DLC1: variants seen among roughly 807,000 people sequenced by gnomAD.
DLC1 encodes DLC1 Rho GTPase activating protein.
In DLC1, 54 loss-of-function variants were observed where a neutral mutation model predicts 140.3. The ratio of observed to expected loss-of-function variants is 0.38; its 90% CI spans 0.31 to 0.48. DLC1 has a LOEUF of 0.48. DLC1 is among the 20% of genes least tolerant of loss of function. DLC1 has a pLI of 0.96. For missense variants in DLC1, 2,536 were observed against 1,907.0 expected, an observed-to-expected ratio of 1.33 and a Z score of -6.14; for synonymous variants, 986 against 728.1, an observed-to-expected ratio of 1.35 and a Z score of -5.70.
At chr8:13,122,957 T>C (rs1821224569) in intron 5 of DLC1, among the ~76,000 whole-genome samples, 1 of 152,156 alleles carries the variant, frequency 6.6e-6, no homozygotes, top group Non-Finnish European at 1.5e-5. Flanking sequence ...TCCTACATTT[T>C]CCCTTTCACT....
intron 5 of DLC1, among the ~76,000 whole-genome samples, chr8:13,131,556 A>C (rs13255103): frequency 1.4e-4 from 21 of 150,510 alleles, no homozygotes; most frequent in Admixed American, 1.2e-3. Context: ...TGGGGATGGG[A>C]AAAGGTGGGG....
In DLC1 at chr8:13,225,601, C is replaced by A. The variant is rs570456968; in HGVS notation, c.1348+79668G>T. Among the ~76,000 whole-genome samples the A allele has an allele frequency of 1.2e-3, 174 of 150,878 alleles. 1 individual carries two copies. The highest frequency in any genetic ancestry group is 6.9e-3 in the Middle Eastern group (2 of 290). Reference sequence around the variant, plus strand: ...TTTACAAAAATTGATTAATCGATTTCTTTTTATTTATTTAATTTTTTTTTT... The same window carrying A: ...TTTACAAAAATTGATTAATCGATTTATTTTTATTTATTTAATTTTTTTTTT... On this transcript the variant is annotated intron_variant, in intron 5 of 17. Transcript: ENST00000276297.
intron 5 of DLC1, among the ~76,000 whole-genome samples, chr8:13,161,042 C>G (rs534204483): frequency 1.3e-5 from 2 of 152,334 alleles, no homozygotes; most frequent in South Asian, 4.1e-4. Context: ...GATCGCGCCA[C>G]TGCTCTCCAG....
At chr8:13,420,477 G>T (rs375505118) in intron 2 of DLC1, among the ~76,000 whole-genome samples, 1 of 152,048 alleles carries the variant, frequency 6.6e-6, no homozygotes, top group South Asian at 2.1e-4. Context: ...TGCCATGGTG[G>T]TTTGCTGCAC....
chr8:13,169,534 G>C (rs1163857846), intron 5 of DLC1, among the ~76,000 whole-genome samples: 1 of 152,134 alleles, frequency 6.6e-6, no homozygotes, highest in Admixed American at 6.5e-5. Context: ...ACCACTATTG[G>C]TCAAGTGAGG....
intron 4 of DLC1, among the ~76,000 whole-genome samples, chr8:13,315,837 C>G (rs1832842364): frequency 6.6e-6 from 1 of 152,120 alleles, no homozygotes; most frequent in Non-Finnish European, 1.5e-5. Flanking sequence ...TAACATTTGC[C>G]TCAAAATGTT....
intron 5 of DLC1, among the ~76,000 whole-genome samples, chr8:13,283,170 C>T (rs766699135): frequency 1.3e-5 from 2 of 151,884 alleles, no homozygotes; most frequent in Non-Finnish European, 1.5e-5. Flanking sequence ...CTTTTTTGAC[C>T]ATAGTATTAA....
rs561308855 is a variant in DLC1, at chr8:13,467,313, A to T, written c.1023+31736T>A. Among the ~76,000 whole-genome samples, 7 of 152,272 alleles carry T rather than the reference A, an allele frequency of 4.6e-5. No individual in the cohort carries two copies. In the East Asian group the frequency reaches 1.4e-3, roughly 29 times the overall value. ...TAGTTCCACTTCAAGTTGAAGAGAG[A>T]CAATGATAGTATGTTCCCATTTGGA... On this transcript the variant is annotated intron_variant, in intron 2 of 17. Coordinates refer to ENST00000276297, the MANE Select transcript of DLC1 (RefSeq NM_182643.3).
chr8:13,268,428 C>T (rs1563211550), intron 5 of DLC1, among the ~76,000 whole-genome samples: 1 of 152,192 alleles, frequency 6.6e-6, no homozygotes, highest in East Asian at 1.9e-4. Context: ...CATTCTCCTG[C>T]CTCAGTCTCC....
chr8:13,350,126 C>G (rs1398329629), intron 4 of DLC1, among the ~76,000 whole-genome samples: 1 of 152,184 alleles, frequency 6.6e-6, no homozygotes, highest in East Asian at 1.9e-4. Context: ...GAGGCTGGAT[C>G]TATTACCTGA....
At chr8:13,179,166 GC>G (rs778701440) in intron 5 of DLC1, among the ~76,000 whole-genome samples, 1 of 152,000 alleles carries the variant, frequency 6.6e-6, no homozygotes, top group Non-Finnish European at 1.5e-5. Context: ...GAATACAGAT[GC>G]AAAATAGTGT....
chr8:13,121,384 G>A (rs1298791549), intron 5 of DLC1, among the ~76,000 whole-genome samples: 4 of 152,142 alleles, frequency 2.6e-5, no homozygotes, highest in Non-Finnish European at 4.4e-5. Flanking sequence ...ATGTTGTGCA[G>A]GTGGATACGA....
intron 5 of DLC1, among the ~76,000 whole-genome samples, chr8:13,168,131 A>G (rs1011548867): frequency 3.3e-5 from 5 of 152,112 alleles, no homozygotes; most frequent in African/African-American, 9.7e-5. Context: ...CTTGTTCTCC[A>G]TTTCTTATCT....
At chr8:13,219,373 T>TTC (rs1828425322) in intron 5 of DLC1, among the ~76,000 whole-genome samples, 2 of 145,392 alleles carry the variant, frequency 1.4e-5, no homozygotes, top group East Asian at 3.9e-4. Flanking sequence ...TTCATATACT[T>TTC]ATATAATTAT....
intron 4 of DLC1, among the ~76,000 whole-genome samples, chr8:13,390,019 T>C (rs1230027046): frequency 6.6e-6 from 1 of 152,174 alleles, no homozygotes; most frequent in African/African-American, 2.4e-5. Context: ...ATAAAGTATC[T>C]AGACTGTTAT....
intron 2 of DLC1, 182 bp downstream of exon 2, chr8:13,498,867 T>C (rs528902577): frequency 3.2e-6 from 2 of 621,542 alleles, no homozygotes; most frequent in South Asian, 5.8e-5. Flanking sequence ...GATAGATTAT[T>C]ATTCTTTAAT....
At chr8:13,472,956 G>C (rs937887854) in intron 2 of DLC1, among the ~76,000 whole-genome samples, 18 of 152,046 alleles carry the variant, frequency 1.2e-4, no homozygotes, top group African/African-American at 4.3e-4. Flanking sequence ...CTGAATACTA[G>C]TCATAATAAG....
rs147652356 is a variant in DLC1 at position 13,187,361 on chromosome 8, G to T, written c.1349-71704C>A. 4.4e-4 allele frequency among the ~76,000 whole-genome samples: 67 copies of T among 152,190 alleles called. 1 individual carries two copies. In the East Asian group the frequency reaches 0.013, roughly 29 times the overall value. On this transcript the variant is annotated intron_variant, in intron 5 of 17. Coordinates refer to ENST00000276297, the MANE Select transcript of DLC1 (RefSeq NM_182643.3). Reference sequence around the variant, plus strand: ...CTCAATAGATATTTGTTGAATGAAGGATCTTTAACCTCCCTAATTTTTTCA... The same window carrying T: ...CTCAATAGATATTTGTTGAATGAAGTATCTTTAACCTCCCTAATTTTTTCA...
chr8:13,313,987 G>C (rs10102530), intron 4 of DLC1, among the ~76,000 whole-genome samples: 1 of 151,542 alleles, frequency 6.6e-6, no homozygotes, highest in Admixed American at 6.6e-5. Flanking sequence ...ATTTCTGTAC[G>C]TCTTGGAGCA....
Sources: gnomAD v4.1 joint callset for allele counts (sites outside exome capture counted in the v4.1 genomes callset) on GRCh38, gnomAD v4.1.1 for gene constraint, MANE v1.5 for transcripts, NCBI Gene and HGNC (gene_info 2026-07-23, HGNC 2026-07-21) for gene names.